Variants in GABBR2 observed in about 807,000 individuals in gnomAD.
GABBR2 encodes the protein gamma-aminobutyric acid type B receptor subunit 2.
In GABBR2, 23 loss-of-function variants were observed where a neutral mutation model predicts 105.6. The ratio of observed to expected loss-of-function variants is 0.22; its 90% CI spans 0.16 to 0.31. The LOEUF (loss-of-function observed/expected upper bound fraction) is 0.31, where lower values mean the gene tolerates loss of function less well. Among genes scored for constraint, GABBR2 ranks in the 10% least tolerant of loss-of-function variants. The pLI, the probability that GABBR2 is intolerant of heterozygous loss-of-function variation, is 1.00. For synonymous variants in GABBR2, 478 were observed against 499.7 expected (o/e 0.96, Z 0.58); for missense variants, 734 against 1,245.5 (o/e 0.59, Z 6.18).
At chr9:98,419,166 G>T (rs1398413179) in intron 7 of GABBR2, among the ~76,000 whole-genome samples, 4 of 152,212 alleles carry the variant, frequency 2.6e-5, no homozygotes, top group African/African-American at 9.6e-5. Flanking sequence ...CCAGGCAAGG[G>T]AGCTCAGGCA....
chr9:98,421,825 C>A (rs1211374802), intron 7 of GABBR2, among the ~76,000 whole-genome samples: 1 of 152,136 alleles, frequency 6.6e-6, no homozygotes, highest in Non-Finnish European at 1.5e-5. Context: ...AATCCATAAA[C>A]AAGAGTGGAT....
At chr9:98,618,516 CTCTCTG>C (rs1268363117) in intron 1 of GABBR2, among the ~76,000 whole-genome samples, 11 of 134,952 alleles carry the variant, frequency 8.2e-5, no homozygotes, top group African/African-American at 2.5e-4. Context: ...CTCTCTCTCT[CTCTCTG>C]TCTCTCTGAC....
intron 1 of GABBR2, among the ~76,000 whole-genome samples, chr9:98,708,155 T>A (rs1830925530): frequency 6.6e-6 from 1 of 151,950 alleles, no homozygotes; most frequent in Non-Finnish European, 1.5e-5. Context: ...GAGACCCCAG[T>A]CTTCTATCCC....
intron 7 of GABBR2, among the ~76,000 whole-genome samples, chr9:98,441,008 C>T (rs1326161703): frequency 6.6e-6 from 1 of 152,156 alleles, no homozygotes; most frequent in Non-Finnish European, 1.5e-5. Flanking sequence ...CTGGATATAT[C>T]TCTGAGTATT....
At chr9:98,446,359 C>T (rs183353596) in intron 7 of GABBR2, among the ~76,000 whole-genome samples, 70 of 152,196 alleles carry the variant, frequency 4.6e-4, no homozygotes, top group East Asian at 3.3e-3. Context: ...AAATATTTAC[C>T]GCCACTCTAC....
chr9:98,692,733 A>G (rs1223179411), intron 1 of GABBR2, among the ~76,000 whole-genome samples: 1 of 152,230 alleles, frequency 6.6e-6, no homozygotes, highest in East Asian at 1.9e-4. Flanking sequence ...CCAGGTATGA[A>G]TGGGACTAAG....
chr9:98,572,819 C>G (rs1828851284), intron 2 of GABBR2, among the ~76,000 whole-genome samples: 1 of 152,152 alleles, frequency 6.6e-6, no homozygotes, highest in African/African-American at 2.4e-5. Flanking sequence ...CTCCCAGGTC[C>G]TCAGAGAAGT....
chr9:98,492,075 T>C (rs962290248), intron 4 of GABBR2, among the ~76,000 whole-genome samples: 2 of 152,040 alleles, frequency 1.3e-5, no homozygotes, highest in Non-Finnish European at 2.9e-5. Flanking sequence ...TGGCCTGGTT[T>C]TTGCATCTCT....
At chr9:98,573,375 T>C (rs1460636351) in intron 2 of GABBR2, among the ~76,000 whole-genome samples, 2 of 152,190 alleles carry the variant, frequency 1.3e-5, no homozygotes, top group African/African-American at 4.8e-5. Flanking sequence ...CTTGAATTCC[T>C]AGGCTTGAGC....
At chr9:98,603,913 G>A (rs556072597) in intron 1 of GABBR2, among the ~76,000 whole-genome samples, 1 of 152,208 alleles carries the variant, frequency 6.6e-6, no homozygotes, top group South Asian at 2.1e-4. Flanking sequence ...CTACCAACAT[G>A]GACAAAAATA....
In GABBR2 at chr9:98,469,645, C is replaced by G. The variant is rs73655466; in HGVS notation, c.999+3501G>C. Among the ~76,000 whole-genome samples the G allele has an allele frequency of 6.7e-3, 1,027 of 152,276 alleles. 8 individuals carry two copies. The highest frequency in any genetic ancestry group is 0.024 in the African/African-American group (977 of 41,570). ...GAGAGCCTTAAGTTAATTACACCTG[C>G]AAAACCCCCCTTTTCCAAACAAGGT... On this transcript the variant is annotated intron_variant, in intron 6 of 18. Coordinates refer to ENST00000259455, the MANE Select transcript of GABBR2 (RefSeq NM_005458.8).
chr9:98,358,810 C>T (rs1401474434), intron 13 of GABBR2, among the ~76,000 whole-genome samples: 1 of 152,150 alleles, frequency 6.6e-6, no homozygotes, highest in African/African-American at 2.4e-5. Context: ...TGTGTAGCCC[C>T]TGAGAGAGGA....
In GABBR2 at chr9:98,646,425, T is replaced by C. The variant is rs536333002; in HGVS notation, c.321+61992A>G. On this transcript the variant is annotated intron_variant, in intron 1 of 18. Transcript: ENST00000259455. ...CTATGTGACTCCACCGGGAGAGGAC[T>C]CCTGGAAGCTCGCACCTGGTTTCCT... Among the ~76,000 whole-genome samples the C allele has an allele frequency of 2.6e-5, 4 of 152,274 alleles. No homozygotes were observed. The South Asian group carries it at 8.3e-4, about 32-fold the overall frequency.
In GABBR2 at chr9:98,547,579, A is replaced by G. The variant is rs551124513; in HGVS notation, c.460-5536T>C. Among the ~76,000 whole-genome samples, 2 of 120,110 alleles carry G rather than the reference A, an allele frequency of 1.7e-5. 1 individual carries two copies. Among genetic ancestry groups the G allele is most frequent in the Admixed American group, 1.9e-4 (2 of 10,802 alleles). 78.8% of individuals were successfully genotyped at this position (120,110 alleles called of 152,430 possible). A position where few individuals can be genotyped will look rare whatever the true frequency, so the allele number is the denominator to read the frequency against. On this transcript the variant is annotated intron_variant, in intron 2 of 18. Coordinates refer to ENST00000259455, the MANE Select transcript of GABBR2 (RefSeq NM_005458.8). ...CCTCCTCAATCTAGAAGAGCATCTT[A>G]TTTTACTGTATTTTATTACAAGGTA...
intron 1 of GABBR2, among the ~76,000 whole-genome samples, chr9:98,695,081 T>G (rs943118486): frequency 1.3e-5 from 2 of 152,264 alleles, no homozygotes; most frequent in African/African-American, 4.8e-5. Context: ...ATCTTCTCTG[T>G]TCCACTTAGG....
chr9:98,367,594 G>C (rs2131454992), intron 12 of GABBR2, among the ~76,000 whole-genome samples: 1 of 152,286 alleles, frequency 6.6e-6, no homozygotes. Flanking sequence ...AACTGCCAAA[G>C]GCTTTCAGTA....
intron 1 of GABBR2, among the ~76,000 whole-genome samples, chr9:98,588,603 A>G (rs1829106151): frequency 6.6e-6 from 1 of 152,198 alleles, no homozygotes; most frequent in African/African-American, 2.4e-5. Context: ...GAGGTGAGTA[A>G]TTTGCCCCAA....
chr9:98,492,197 C>T (rs1827187725), intron 4 of GABBR2, among the ~76,000 whole-genome samples: 1 of 151,626 alleles, frequency 6.6e-6, no homozygotes, highest in African/African-American at 2.4e-5. Context: ...ACCAGTTATG[C>T]TAGAATGCAG....
chr9:98,557,862 T>C (rs1828611675), intron 2 of GABBR2, among the ~76,000 whole-genome samples: 1 of 152,232 alleles, frequency 6.6e-6, no homozygotes, highest in Non-Finnish European at 1.5e-5. Flanking sequence ...TGTACTTGCA[T>C]TGGCAGAGTC....
Sources: allele counts gnomAD v4.1 joint callset (sites outside exome capture counted in the v4.1 genomes callset), GRCh38; gene constraint gnomAD v4.1.1; transcripts MANE v1.5; gene names NCBI Gene and HGNC (gene_info 2026-07-23, HGNC 2026-07-21).